Variants in TNRC6B observed in about 807,000 individuals in gnomAD.
The protein encoded by TNRC6B is trinucleotide repeat containing adaptor 6B.
Under a neutral mutation model 203.6 loss-of-function variants are expected in TNRC6B, and 52 were observed. That is an observed-to-expected ratio of 0.26 (90% confidence interval 0.20 to 0.32). The LOEUF is 0.32. Ranked by LOEUF, TNRC6B falls within the 10% of genes least tolerant of loss-of-function variation. The pLI, the probability that TNRC6B is intolerant of heterozygous loss-of-function variation, is 1.00. For missense variants in TNRC6B, 1,923 were observed against 2,286.2 expected, an observed-to-expected ratio of 0.84 and a Z score of 3.24; for synonymous variants, 838 against 845.7, an observed-to-expected ratio of 0.99 and a Z score of 0.16.
At chr22:40,226,961 G>C (rs2069794667) in intron 1 of TNRC6B, among the ~76,000 whole-genome samples, 2 of 151,968 alleles carry the variant, frequency 1.3e-5, no homozygotes, top group Non-Finnish European at 2.9e-5. Flanking sequence ...CTAGGCTGTA[G>C]TGCAGTGGCA....
At chr22:40,069,079 G>A (rs1601796178) in intron 1 of TNRC6B, among the ~76,000 whole-genome samples, 1 of 151,822 alleles carries the variant, frequency 6.6e-6, no homozygotes, top group African/African-American at 2.4e-5. Flanking sequence ...TTGTTTCCAG[G>A]ACCTAGCCAC....
At chr22:40,154,886 TATATATATAC>T (rs1481499658) in intron 3 of TNRC6B, among the ~76,000 whole-genome samples, 1,627 of 49,496 alleles carry the variant, frequency 0.033, 67 homozygotes, top group African/African-American at 0.064. Context: ...TATATATATA[TATATATATAC>T]ATATATATAT....
At chr22:40,312,675 T>A in intron 18 of TNRC6B, 24 bp downstream of exon 18, 2 of 1,602,006 alleles carry the variant, frequency 1.2e-6, no homozygotes, top group South Asian at 1.1e-5. Context: ...GCATCTCTTA[T>A]ATGTTCAACA....
At chr22:40,075,156 A>ATATATATATATATATATATTTTTT in intron 1 of TNRC6B, among the ~76,000 whole-genome samples, 1 of 35,558 alleles carries the variant, frequency 2.8e-5, no homozygotes, top group Non-Finnish European at 5.2e-5. Context: ...ATATATATAT[A>ATATATATATATATATATATTTTTT]TTTTTTTTTT....
intron 1 of TNRC6B, among the ~76,000 whole-genome samples, chr22:40,206,988 C>T (rs1261375871): frequency 2.0e-5 from 3 of 152,096 alleles, no homozygotes; most frequent in East Asian, 1.9e-4. Flanking sequence ...CAAAATTACT[C>T]GACCTCCGAA....
intron 1 of TNRC6B, among the ~76,000 whole-genome samples, chr22:40,238,736 C>CT (rs2069984269): frequency 6.6e-6 from 1 of 152,360 alleles, no homozygotes; most frequent in East Asian, 1.9e-4. Context: ...CTCTCCTTCT[C>CT]TGTCAGGTGA....
At position 40,261,911 on chromosome 22, in the gene TNRC6B, TGGTGGCAACAATGCCAAAAG is replaced by T; in HGVS notation, c.203_222del (p.Asn68SerfsTer73). 1 of 1,609,084 alleles carries T rather than the reference TGGTGGCAACAATGCCAAAAG, an allele frequency of 6.2e-7. No individual in the cohort carries two copies. The highest frequency in any genetic ancestry group is 8.5e-7 in the Non-Finnish European group (1 of 1,176,236). On this transcript the variant is annotated frameshift_variant, in exon 4 of 23. Coordinates refer to ENST00000454349, the MANE Select transcript of TNRC6B (RefSeq NM_001162501.2). LOFTEE classifies it high-confidence loss of function. ...GCAGCTCTCCATCGCCACCAGTCAA[TGGTGGCAACAATGCCAAAAG>T]GGTGGCAGTGCCGAACGGACAACCG...
intron 19 of TNRC6B, among the ~76,000 whole-genome samples, chr22:40,314,512 A>T (rs1278632288): frequency 6.6e-6 from 1 of 152,216 alleles, no homozygotes. Context: ...TATTCCATAC[A>T]CAGAGAGTTT....
At chr22:40,107,798 C>T (rs1056840093) in intron 1 of TNRC6B, among the ~76,000 whole-genome samples, 2 of 151,924 alleles carry the variant, frequency 1.3e-5, no homozygotes, top group African/African-American at 4.8e-5. Context: ...ACCCCCCTTT[C>T]TCTGTTTATC....
chr22:40,230,933 T>C (rs1429810592), intron 1 of TNRC6B, among the ~76,000 whole-genome samples: 1 of 152,174 alleles, frequency 6.6e-6, no homozygotes, highest in Admixed American at 6.5e-5. Context: ...AAGGTACAAA[T>C]TGAGGTTCAT....
At position 40,265,139 on chromosome 22, in the gene TNRC6B, C is replaced by T. The variant is rs1339085036; in HGVS notation, c.909C>T (p.Asn303=). 1 of 1,613,950 alleles carries T rather than the reference C, an allele frequency of 6.2e-7. No individual in the cohort carries two copies. The highest frequency in any genetic ancestry group is 1.1e-5 in the South Asian group (1 of 91,072). ...CTGGCTCTGGCTTCAGCAACTTTAA[C>T]CCAAATAGCAACCCATCTGCCTGGC... is the stretch of plus-strand genomic sequence containing the variant. The part of the protein sequence containing the change: ...IGPGSGFSNF[N]PNSNPSAWPA... The change falls in exon 5 of 23, where the codon AAC becomes AAT. Residue 303 remains asparagine (N), a synonymous_variant. Transcript: ENST00000454349.
rs762588590 is a variant in TNRC6B, at chr22:40,323,267, G to A, written c.*26G>A. On this transcript the variant is annotated 3_prime_UTR_variant, in exon 23 of 23. Coordinates refer to ENST00000454349, the MANE Select transcript of TNRC6B (RefSeq NM_001162501.2). ...ACTTAGAACTTTCAACTCTGACCTCGTGACCTTTTTTGGAACAGCAGCAGC... is the reference window on the plus strand; with the variant it reads ...ACTTAGAACTTTCAACTCTGACCTCATGACCTTTTTTGGAACAGCAGCAGC... 1.9e-5 allele frequency: 30 copies of A among 1,588,824 alleles called. No homozygotes were observed. The Admixed American group carries it at 4.3e-4, about 23-fold the overall frequency.
chr22:40,216,046 C>T (rs1382111149), intron 1 of TNRC6B, among the ~76,000 whole-genome samples: 1 of 152,246 alleles, frequency 6.6e-6, no homozygotes, highest in African/African-American at 2.4e-5. Context: ...TCTCATCTCA[C>T]ACTTCGCTTC....
intron 1 of TNRC6B, among the ~76,000 whole-genome samples, chr22:40,061,051 C>T (rs2146271406): frequency 6.6e-6 from 1 of 152,274 alleles, no homozygotes; most frequent in Non-Finnish European, 1.5e-5. Context: ...CCGACTTTTC[C>T]AAGGATAGTA....
chr22:40,173,789 A>ATG (rs1569007712), upstream of TNRC6B, among the ~76,000 whole-genome samples: 1 of 43,080 alleles, frequency 2.3e-5, no homozygotes, highest in Non-Finnish European at 4.2e-5. Flanking sequence ...ATATATATAT[A>ATG]TATATTTTTT....
Position 40,262,174 on chromosome 22 carries a change from G to A in TNRC6B, c.457+1G>A. The A allele has an allele frequency of 7.2e-7, 1 of 1,379,944 alleles. No individual in the cohort carries two copies. Among genetic ancestry groups the A allele is most frequent in the Non-Finnish European group, 9.5e-7 (1 of 1,050,366 alleles). The allele number at this position is 1,379,944 out of a possible 1,614,324, so 85.5% of individuals were successfully genotyped here. A position where few individuals can be genotyped will look rare whatever the true frequency, so the allele number is the denominator to read the frequency against. On this transcript the variant is annotated splice_donor_variant, in intron 4 of 22. Coordinates refer to ENST00000454349, the MANE Select transcript of TNRC6B (RefSeq NM_001162501.2). LOFTEE classifies it high-confidence loss of function. ...CAGAGTGAGAGTGGGACTGCGCCAGGTAAGGCACCCTGTGAATCGAATGCA... is the reference window on the plus strand; with the variant it reads ...CAGAGTGAGAGTGGGACTGCGCCAGATAAGGCACCCTGTGAATCGAATGCA...
intron 4 of TNRC6B, 52 bp from the exon 5 acceptor site, chr22:40,264,636 T>C (rs2070445304): frequency 2.6e-6 from 4 of 1,522,100 alleles, no homozygotes; most frequent in Non-Finnish European, 2.6e-6. Flanking sequence ...GAGGGATTAA[T>C]GGGTAATGAA....
chr22:40,196,240 A>G lies in TNRC6B; in HGVS notation c.5+18100A>G, dbSNP rs5750904. Among the ~76,000 whole-genome samples, 7 of 152,046 alleles carry G rather than the reference A, an allele frequency of 4.6e-5. No individual in the cohort carries two copies. The East Asian group carries it at 7.7e-4, about 17-fold the overall frequency. On this transcript the variant is annotated intron_variant, in intron 1 of 22. Transcript: ENST00000454349. ...AATGTCACAATCTCAGCCTCAACCT[A>G]CCGGGCTCAAGCAGTCCTTCCATCT...
At chr22:40,289,708 G>A (rs1268004482) in intron 12 of TNRC6B, among the ~76,000 whole-genome samples, 1 of 152,160 alleles carries the variant, frequency 6.6e-6, no homozygotes, top group Non-Finnish European at 1.5e-5. Context: ...TCTGTAGTCA[G>A]TGCCAGGTGA....
Sources: allele counts gnomAD v4.1 joint callset (sites outside exome capture counted in the v4.1 genomes callset), GRCh38; gene constraint gnomAD v4.1.1; transcripts MANE v1.5; gene names NCBI Gene and HGNC (gene_info 2026-07-23, HGNC 2026-07-21).